CYBRD1: variants seen among roughly 807,000 people sequenced by gnomAD.
The protein encoded by CYBRD1 is plasma membrane ascorbate-dependent reductase CYBRD1.
Under a neutral mutation model 21.9 loss-of-function variants are expected in CYBRD1, and 14 were observed. The ratio of observed to expected loss-of-function variants is 0.64; its 90% CI spans 0.42 to 1.00. The LOEUF is 1.00. Among genes scored for constraint, CYBRD1 ranks in the 50% least tolerant of loss-of-function variants. CYBRD1 has a pLI of 0.00. For synonymous variants in CYBRD1, 146 were observed against 136.5 expected (o/e 1.07, Z -0.48); for missense variants, 328 against 352.5 (o/e 0.93, Z 0.56).
intron 1 of CYBRD1, among the ~76,000 whole-genome samples, chr2:171,526,127 C>T (rs1244793208): frequency 5.3e-5 from 8 of 151,978 alleles, no homozygotes; most frequent in East Asian, 3.9e-4. Context: ...ATTAGCTGGG[C>T]GTGGTGGCAG....
intron 1 of CYBRD1, chr2:171,523,310 T>G (rs1436246499): frequency 4.9e-6 from 2 of 409,386 alleles, no homozygotes; most frequent in Non-Finnish European, 9.9e-6. Context: ...TCCTCGGCCC[T>G]GGGTAAAGGG....
rs1683507286 is a variant in CYBRD1 at position 171,557,334 on chromosome 2, A to T, written c.*2507A>T. On this transcript the variant is annotated 3_prime_UTR_variant, in exon 4 of 4. Coordinates refer to ENST00000321348, the MANE Select transcript of CYBRD1 (RefSeq NM_024843.4). Reference sequence around the variant, plus strand: ...GTATCAATTCCAAAACAGTGATTGAAATTTCCCAAAATAATTATGGCTTCT... The same window carrying T: ...GTATCAATTCCAAAACAGTGATTGATATTTCCCAAAATAATTATGGCTTCT... 1 of 152,176 alleles carries T rather than the reference A, an allele frequency of 6.6e-6. No homozygotes were observed. Among genetic ancestry groups the T allele is most frequent in the Non-Finnish European group, 1.5e-5 (1 of 68,014 alleles). The allele number at this position is 152,176 out of a possible 1,614,324, so 9.4% of individuals were successfully genotyped here. A position where few individuals can be genotyped will look rare whatever the true frequency, so the allele number is the denominator to read the frequency against.
Position 171,556,128 on chromosome 2 carries a change from T to C in CYBRD1, c.*1301T>C, listed in dbSNP as rs1001083637. The C allele has an allele frequency of 6.6e-6, 1 of 152,230 alleles. No individual in the cohort carries two copies. The highest frequency in any genetic ancestry group is 6.5e-5 in the Admixed American group (1 of 15,286). The allele number at this position is 152,230 out of a possible 1,614,324, so 9.4% of individuals were successfully genotyped here. On this transcript the variant is annotated 3_prime_UTR_variant, in exon 4 of 4. Transcript: ENST00000321348. ...ACACTTGTTTGATCTTAAAATTGTG[T>C]CTTGGTAACAAAAGATTTGGACAGG...
chr2:171,531,538 C>T (rs905833264), intron 1 of CYBRD1, among the ~76,000 whole-genome samples: 2 of 152,100 alleles, frequency 1.3e-5, no homozygotes, highest in Non-Finnish European at 2.9e-5. Context: ...GCCTCGACCT[C>T]CCGGGCCCAA....
At chr2:171,534,995 T>G (rs1358038208) in intron 1 of CYBRD1, among the ~76,000 whole-genome samples, 1 of 152,056 alleles carries the variant, frequency 6.6e-6, no homozygotes, top group Admixed American at 6.5e-5. Flanking sequence ...GAGCCAAGAT[T>G]GCGCCACTAC....
Position 171,535,077 on chromosome 2 carries a change from T to C in CYBRD1, c.194-6508T>C, listed in dbSNP as rs151144584. Among the ~76,000 whole-genome samples, 185 of 152,220 alleles carry C rather than the reference T, an allele frequency of 1.2e-3. 3 individuals carry two copies. Among genetic ancestry groups the C allele is most frequent in the East Asian group, 0.011 (57 of 5,176 alleles). On this transcript the variant is annotated intron_variant, in intron 1 of 3. Transcript: ENST00000321348. ...ATGAATAAATAAAAATAAGACATTTTATAAGCTAAAACTTAGAGCTGGTGG... is the reference window on the plus strand; with the variant it reads ...ATGAATAAATAAAAATAAGACATTTCATAAGCTAAAACTTAGAGCTGGTGG...
At chr2:171,533,586 TA>T (rs1697502142) in intron 1 of CYBRD1, among the ~76,000 whole-genome samples, 1 of 152,186 alleles carries the variant, frequency 6.6e-6, no homozygotes, top group South Asian at 2.1e-4. Context: ...TGACAGATTC[TA>T]AATTTGCATT....
At chr2:171,522,347 C>T, upstream of CYBRD1, 1 of 1,511,894 alleles carries the variant, frequency 6.6e-7, no homozygotes, top group Middle Eastern at 1.7e-4. The surrounding 1 kb of genome is among the most constrained non-coding windows in gnomAD (Gnocchi z 4.3). Context: ...GGGGGTGGGG[C>T]CCATTTCTGA....
At chr2:171,531,906 A>G (rs149274402) in intron 1 of CYBRD1, among the ~76,000 whole-genome samples, 1 of 152,324 alleles carries the variant, frequency 6.6e-6, no homozygotes, top group Non-Finnish European at 1.5e-5. Flanking sequence ...TGTATTTGGT[A>G]CCAAGTAGCT....
intron 2 of CYBRD1, among the ~76,000 whole-genome samples, chr2:171,542,037 G>A (rs1309139824): frequency 1.3e-5 from 2 of 151,490 alleles, no homozygotes; most frequent in African/African-American, 4.8e-5. Context: ...GCTAATTTTT[G>A]TATTTTAGTA....
intron 1 of CYBRD1, among the ~76,000 whole-genome samples, chr2:171,529,308 G>A (rs1559313646): frequency 6.6e-6 from 1 of 152,166 alleles, no homozygotes; most frequent in Non-Finnish European, 1.5e-5. Flanking sequence ...AAGGCAGGTG[G>A]ATCACCTGAG....
chr2:171,527,966 A>G (rs572292303), intron 1 of CYBRD1, among the ~76,000 whole-genome samples: 2 of 152,268 alleles, frequency 1.3e-5, no homozygotes, highest in African/African-American at 4.8e-5. Flanking sequence ...TGTGCTTAAT[A>G]TGGTAGCTAA....
chr2:171,540,324 C>G (rs1697610766), intron 1 of CYBRD1, among the ~76,000 whole-genome samples: 1 of 152,166 alleles, frequency 6.6e-6, no homozygotes, highest in African/African-American at 2.4e-5. Flanking sequence ...ATCCATATTA[C>G]TGGGTCTAGT....
At chr2:171,549,313 G>T (rs951345188) in intron 2 of CYBRD1, among the ~76,000 whole-genome samples, 5 of 152,010 alleles carry the variant, frequency 3.3e-5, no homozygotes, top group Non-Finnish European at 7.4e-5. Flanking sequence ...CAAATTCCTG[G>T]CCTCAAGTGA....
At chr2:171,524,027 AC>A (rs1697349693) in intron 1 of CYBRD1, among the ~76,000 whole-genome samples, 4 of 152,154 alleles carry the variant, frequency 2.6e-5, no homozygotes, top group African/African-American at 9.7e-5. Context: ...AAGAGTGCTG[AC>A]CTCATTCCTA....
At position 171,522,971 on chromosome 2, in the gene CYBRD1, G is replaced by A; in HGVS notation, c.193+233G>A. The A allele has an allele frequency of 3.3e-6, 2 of 605,580 alleles. No homozygotes were observed. Among genetic ancestry groups the A allele is most frequent in the South Asian group, 2.1e-5 (1 of 47,262 alleles). The allele number at this position is 605,580 out of a possible 1,614,324, so 37.5% of individuals were successfully genotyped here. A position where few individuals can be genotyped will look rare whatever the true frequency, so the allele number is the denominator to read the frequency against. ...GGATCGCCGCGAGCGCGGGGCCGGG[G>A]GTGCGCGGTGGAGACGCGCTGCTGG... is the stretch of plus-strand genomic sequence containing the variant. On this transcript the variant is annotated intron_variant, in intron 1 of 3. Coordinates refer to ENST00000321348, the MANE Select transcript of CYBRD1 (RefSeq NM_024843.4). This position sits in a 1 kb window ranked among gnomAD's most constrained non-coding sequence, Gnocchi z 4.3.
At position 171,522,560 on chromosome 2, in the gene CYBRD1, C is replaced by T. The variant is rs777988908; in HGVS notation, c.15C>T (p.Gly5=). The T allele has an allele frequency of 6.2e-7, 1 of 1,605,340 alleles. No homozygotes were observed. Among genetic ancestry groups the T allele is most frequent in the African/African-American group, 1.3e-5 (1 of 74,898 alleles). ...ATGGGGCGCTGATGGCCATGGAGGG[C>T]TACTGGCGCTTCCTGGCGCTGCTGG... The part of the protein sequence containing the change: MAME[G]YWRFLALLGS... Residue 5 remains glycine (G), a synonymous_variant, in exon 1 of 4, where the codon GGC becomes GGT. Coordinates refer to ENST00000321348, the MANE Select transcript of CYBRD1 (RefSeq NM_024843.4). This position sits in a 1 kb window ranked among gnomAD's most constrained non-coding sequence, Gnocchi z 4.3.
Position 171,554,693 on chromosome 2 carries a change from C to G in CYBRD1, c.727C>G (p.Gln243Glu), listed in dbSNP as rs1683451404. Residue 243 changes from glutamine (Q) to glutamate (E), a missense_variant, in exon 4 of 4, where the codon CAG becomes GAG. Gln to Glu is a conservative substitution (Grantham distance 29). Coordinates refer to ENST00000321348, the MANE Select transcript of CYBRD1 (RefSeq NM_024843.4). ...TCTTCATCCAAATGGAGGCACTGAA[C>G]AGGGAGCAAGAGGTTCCATGCCAGC... ...TILHPNGGTE[Q>E]GARGSMPAYS... The G allele has an allele frequency of 4.3e-6, 7 of 1,614,014 alleles. No homozygotes were observed. Among genetic ancestry groups the G allele is most frequent in the Non-Finnish European group, 5.9e-6 (7 of 1,179,976 alleles).
chr2:171,553,760 T>C (rs1441391667), intron 3 of CYBRD1, among the ~76,000 whole-genome samples: 2 of 152,176 alleles, frequency 1.3e-5, no homozygotes, highest in South Asian at 2.1e-4. Context: ...GATATGCATG[T>C]TTTTATATTA....
Sources: gnomAD v4.1 joint callset for allele counts (sites outside exome capture counted in the v4.1 genomes callset) on GRCh38, gnomAD v4.1.1 for gene constraint, Gnocchi (gnomAD v3.1) non-coding constraint, MANE v1.5 for transcripts, NCBI Gene and HGNC (gene_info 2026-07-23, HGNC 2026-07-21) for gene names.